WNT2B: variants seen among roughly 807,000 people sequenced by gnomAD.
WNT2B encodes Wnt family member 2B.
In WNT2B, 19 loss-of-function variants were observed where a neutral mutation model predicts 40.5. That is an observed-to-expected ratio of 0.47 (90% CI 0.33 to 0.69). WNT2B has a LOEUF of 0.69. Among genes scored for constraint, WNT2B ranks in the 30% least tolerant of loss-of-function variants. The probability of loss-of-function intolerance (pLI) is 0.02; values close to 1 mark genes in which losing one functional copy is unlikely to be tolerated. For synonymous variants in WNT2B, 220 were observed against 211.9 expected (o/e 1.04, Z -0.33); for missense variants, 467 against 556.4 (o/e 0.84, Z 1.62).
At chr1:112,496,694 G>A (rs1047937886) in intron 1 of WNT2B, among the ~76,000 whole-genome samples, 5 of 151,084 alleles carry the variant, frequency 3.3e-5, no homozygotes, top group South Asian at 2.1e-4. Context: ...TCCTCCTCCC[G>A]GGTTCAAGTG....
Position 112,520,766 on chromosome 1 carries a change from AG to A in WNT2B, c.*262del. On this transcript the variant is annotated 3_prime_UTR_variant, in exon 5 of 5. Coordinates refer to ENST00000369684, the MANE Select transcript of WNT2B (RefSeq NM_024494.3). ...GATTTGAAGGGAGAGTAGAAGAGAT[AG>A]GGGGTCTTTAGAGTGAAATGAGTTG... The A allele has an allele frequency of 1.9e-6, 1 of 540,346 alleles. No homozygotes were observed. The allele number at this position is 540,346 out of a possible 1,614,324, so 33.5% of individuals were successfully genotyped here. A position where few individuals can be genotyped will look rare whatever the true frequency, so the allele number is the denominator to read the frequency against.
upstream of WNT2B, among the ~76,000 whole-genome samples, chr1:112,504,150 A>G (rs1179352218): frequency 6.6e-6 from 1 of 152,138 alleles, no homozygotes; most frequent in Non-Finnish European, 1.5e-5. Context: ...CTGGCCTCAC[A>G]CAGAACCTGG....
In WNT2B at chr1:112,528,949, A is replaced by G. The variant is rs1653909541; in HGVS notation, c.*8440A>G. ...AAAGAAGGAGACAAATTCTAACTTCATGATCTCTAGTTAGGTGTCTATTTT... is the reference window on the plus strand; with the variant it reads ...AAAGAAGGAGACAAATTCTAACTTCGTGATCTCTAGTTAGGTGTCTATTTT... On this transcript the variant is annotated 3_prime_UTR_variant, in exon 5 of 5. Coordinates refer to ENST00000369684, the MANE Select transcript of WNT2B (RefSeq NM_024494.3). 1 of 152,250 alleles carries G rather than the reference A, an allele frequency of 6.6e-6. No homozygotes were observed. The highest frequency in any genetic ancestry group is 1.5e-5 in the Non-Finnish European group (1 of 68,044). 9.4% of individuals were successfully genotyped at this position (152,250 alleles called of 1,614,324 possible).
At chr1:112,512,532 A>C (rs1652392695) in intron 1 of WNT2B, among the ~76,000 whole-genome samples, 1 of 152,172 alleles carries the variant, frequency 6.6e-6, no homozygotes, top group Non-Finnish European at 1.5e-5. Context: ...TTGTCAAATG[A>C]AGGGATGTGA....
At chr1:112,497,245 T>G (rs1253933186) in intron 1 of WNT2B, among the ~76,000 whole-genome samples, 2 of 152,146 alleles carry the variant, frequency 1.3e-5, no homozygotes, top group African/African-American at 4.8e-5. Context: ...GGTATTGCCT[T>G]CGTGTGGGGA....
exon 1 of WNT2B, chr1:112,467,248 T>C: frequency 2.4e-6 from 1 of 410,018 alleles, no homozygotes; most frequent in Non-Finnish European, 4.4e-6. Context: ...TCAGGAGAAG[T>C]AAGCAGGAAC....
chr1:112,470,814 G>A (rs1650858627), intron 1 of WNT2B, among the ~76,000 whole-genome samples: 1 of 152,124 alleles, frequency 6.6e-6, no homozygotes, highest in African/African-American at 2.4e-5. Flanking sequence ...GGTGGGATGG[G>A]TGGAAGGAAT....
chr1:112,490,476 T>G (rs1651561510), intron 1 of WNT2B, among the ~76,000 whole-genome samples: 1 of 151,306 alleles, frequency 6.6e-6, no homozygotes, highest in Non-Finnish European at 1.5e-5. Context: ...ATTACTTTTC[T>G]CAAAGAACTC....
In WNT2B at chr1:112,509,172, CA is replaced by C. The variant is rs1652243443; in HGVS notation, c.-90del. 2 of 1,393,930 alleles carry C rather than the reference CA, an allele frequency of 1.4e-6. No individual in the cohort carries two copies. Among genetic ancestry groups the C allele is most frequent in the Non-Finnish European group, 9.2e-7 (1 of 1,084,388 alleles). 86.3% of individuals were successfully genotyped at this position (1,393,930 alleles called of 1,614,324 possible). A position where few individuals can be genotyped will look rare whatever the true frequency, so the allele number is the denominator to read the frequency against. On this transcript the variant is annotated 5_prime_UTR_variant, in exon 1 of 5. The change creates a premature stop within an existing upstream ORF in the 5' untranslated region. Transcript: ENST00000369684. The surrounding 1 kb of genome is among the most constrained non-coding windows in gnomAD (Gnocchi z 4.2). ...GCCGCCGGCGAACACCATGGCCCCC[CA>C]GGGGGGTGAGGTAGGAGCAGCCTGA...
At position 112,515,517 on chromosome 1, in the gene WNT2B, T is replaced by A. The variant is rs1259112772; in HGVS notation, c.403+423T>A. ...AAAAGATAAACAGAAAGGTGATATGTAAATATTTGGAGAGTCAGTGGCTTG... is the reference window on the plus strand; with the variant it reads ...AAAAGATAAACAGAAAGGTGATATGAAAATATTTGGAGAGTCAGTGGCTTG... On this transcript the variant is annotated intron_variant, in intron 2 of 4. Coordinates refer to ENST00000369684, the MANE Select transcript of WNT2B (RefSeq NM_024494.3). The surrounding 1 kb of genome is among the most constrained non-coding windows in gnomAD (Gnocchi z 4.4). Among the ~76,000 whole-genome samples, 1 of 152,220 alleles carries A rather than the reference T, an allele frequency of 6.6e-6. No individual in the cohort carries two copies.
intron 3 of WNT2B, 121 bp downstream of exon 3, chr1:112,516,538 C>G (rs1652554018): frequency 7.5e-7 from 1 of 1,330,548 alleles, no homozygotes. Context: ...CTTCCAAAAG[C>G]CCCAACATCC....
At chr1:112,489,874 G>A (rs1442182995) in intron 1 of WNT2B, among the ~76,000 whole-genome samples, 3 of 152,050 alleles carry the variant, frequency 2.0e-5, no homozygotes, top group African/African-American at 7.2e-5. Flanking sequence ...GAAGATGGAG[G>A]AAGAGAACTT....
In WNT2B at chr1:112,509,054, G is replaced by A. The variant is rs543845836; in HGVS notation, c.-209G>A. 2 of 1,355,820 alleles carry A rather than the reference G, an allele frequency of 1.5e-6. No individual in the cohort carries two copies. Among genetic ancestry groups the A allele is most frequent in the South Asian group, 3.8e-5 (2 of 52,634 alleles). 84.0% of individuals were successfully genotyped at this position (1,355,820 alleles called of 1,614,324 possible). A position where few individuals can be genotyped will look rare whatever the true frequency, so the allele number is the denominator to read the frequency against. On this transcript the variant is annotated 5_prime_UTR_variant, in exon 1 of 5. Coordinates refer to ENST00000369684, the MANE Select transcript of WNT2B (RefSeq NM_024494.3). The surrounding 1 kb of genome is among the most constrained non-coding windows in gnomAD (Gnocchi z 4.2). Reference sequence around the variant, plus strand: ...CAGCGCGCCCCAGACCCCGGGTTCGGCACGCCGTCGTCGGCTTCCGGACAT... The same window carrying A: ...CAGCGCGCCCCAGACCCCGGGTTCGACACGCCGTCGTCGGCTTCCGGACAT...
chr1:112,470,580 T>G (rs1650849551), intron 1 of WNT2B, among the ~76,000 whole-genome samples: 1 of 151,998 alleles, frequency 6.6e-6, no homozygotes, highest in Non-Finnish European at 1.5e-5. Context: ...AGAGTGAGAC[T>G]CGTCTCTAAA....
In WNT2B at chr1:112,526,853, G is replaced by A. The variant is rs552372848; in HGVS notation, c.*6344G>A. On this transcript the variant is annotated 3_prime_UTR_variant, in exon 5 of 5. Coordinates refer to ENST00000369684, the MANE Select transcript of WNT2B (RefSeq NM_024494.3). ...CAAGATGAGGGAATAAGTGTCCTAA[G>A]AAACTCCCATCCCAAGCCAGACAGA... is the stretch of plus-strand genomic sequence containing the variant. 1 of 152,240 alleles carries A rather than the reference G, an allele frequency of 6.6e-6. No homozygotes were observed. The highest frequency in any genetic ancestry group is 2.4e-5 in the African/African-American group (1 of 41,548). 9.4% of individuals were successfully genotyped at this position (152,240 alleles called of 1,614,324 possible).
At chr1:112,481,473 C>A (rs1279227508) in intron 1 of WNT2B, among the ~76,000 whole-genome samples, 1 of 152,130 alleles carries the variant, frequency 6.6e-6, no homozygotes, top group Non-Finnish European at 1.5e-5. Context: ...AAACTACAAG[C>A]TTTCCTTCTA....
Position 112,509,352 on chromosome 1 carries a change from C to G in WNT2B, c.90C>G (p.Pro30=), listed in dbSNP as rs1194904970. Residue 30 remains proline (P), a synonymous_variant, in exon 1 of 5, where the codon CCC becomes CCG. Coordinates refer to ENST00000369684, the MANE Select transcript of WNT2B (RefSeq NM_024494.3). The surrounding 1 kb of genome is among the most constrained non-coding windows in gnomAD (Gnocchi z 4.2). ...APVPVPSPAA[P]DGSRASARLG... is the part of the protein sequence containing the mutation. The stretch of plus-strand genomic sequence containing the variant: ...TCCCTGTGCCGTCGCCCGCGGCCCC[C>G]GACGGCTCCCGGGCTTCGGCCCGCC... 6.3e-7 allele frequency: 1 copy of G among 1,594,240 alleles called. No homozygotes were observed. The highest frequency in any genetic ancestry group is 8.5e-7 in the Non-Finnish European group (1 of 1,176,834).
At chr1:112,483,211 CACACACACACAT>C (rs1376220638) in intron 1 of WNT2B, among the ~76,000 whole-genome samples, 5,296 of 82,106 alleles carry the variant, frequency 0.065, 304 homozygotes, top group African/African-American at 0.29. Context: ...CACACACACA[CACACACACACAT>C]ATACACACAC....
intron 1 of WNT2B, among the ~76,000 whole-genome samples, chr1:112,484,246 C>CATTTATATACACAT (rs1651332142): frequency 8.6e-6 from 1 of 116,732 alleles, no homozygotes; most frequent in Non-Finnish European, 1.6e-5. Context: ...TATATATACA[C>CATTTATATACACAT]ATATATATAC....
Sources: allele counts gnomAD v4.1 joint callset (sites outside exome capture counted in the v4.1 genomes callset), GRCh38; gene constraint gnomAD v4.1.1; non-coding constraint Gnocchi (gnomAD v3.1); transcripts MANE v1.5; gene names NCBI Gene and HGNC (gene_info 2026-07-23, HGNC 2026-07-21).